Variants in THAP4 observed in about 807,000 individuals in gnomAD.
THAP4 encodes the protein THAP domain containing 4.
Under a neutral mutation model 48.1 loss-of-function variants are expected in THAP4, and 18 were observed. The ratio of observed to expected loss-of-function variants is 0.37; its 90% CI spans 0.26 to 0.56. THAP4 has a LOEUF of 0.56. Among genes scored for constraint, THAP4 ranks in the 20% least tolerant of loss-of-function variants. The pLI is 0.78. For missense variants in THAP4, 656 were observed against 774.9 expected, an observed-to-expected ratio of 0.85 and a Z score of 1.82; for synonymous variants, 345 against 324.9, an observed-to-expected ratio of 1.06 and a Z score of -0.66.
In THAP4 at chr2:241,610,896, A is replaced by T. The variant is rs1180124233; in HGVS notation, c.1241-4423T>A. Reference sequence around the variant, plus strand: ...GGGCCAGAGACGGGGCCAGAGACAGAGACACAGAAAGGGATCTTACTCTTT... The same window carrying T: ...GGGCCAGAGACGGGGCCAGAGACAGTGACACAGAAAGGGATCTTACTCTTT... On this transcript the variant is annotated intron_variant, in intron 2 of 5. Transcript: ENST00000407315. The surrounding 1 kb of genome is among the most constrained non-coding windows in gnomAD (Gnocchi z 4.2). Among the ~76,000 whole-genome samples, 1 of 152,068 alleles carries T rather than the reference A, an allele frequency of 6.6e-6. No homozygotes were observed. Among genetic ancestry groups the T allele is most frequent in the Non-Finnish European group, 1.5e-5 (1 of 68,012 alleles).
In THAP4 at chr2:241,599,672, G is replaced by T. The variant is rs187407688; in HGVS notation, c.1614+2224C>A. ...GTAATACACTGTCACGCTGCATATT[G>T]CTACCCATGAAAATATGTCAATTCT... On this transcript the variant is annotated intron_variant, in intron 5 of 5. Coordinates refer to ENST00000407315, the MANE Select transcript of THAP4 (RefSeq NM_015963.6). Among the ~76,000 whole-genome samples, 53 of 152,192 alleles carry T rather than the reference G, an allele frequency of 3.5e-4. 1 individual carries two copies. Among genetic ancestry groups the T allele is most frequent in the African/African-American group, 1.2e-3 (51 of 41,536 alleles).
chr2:241,587,631 T>G (rs1379265529), intron 5 of THAP4, among the ~76,000 whole-genome samples: 2 of 152,228 alleles, frequency 1.3e-5, no homozygotes, highest in African/African-American at 4.8e-5. Flanking sequence ...TTAGAGGGTA[T>G]GTTGTCTGGG....
At chr2:241,586,647 G>T (rs535449697) in intron 5 of THAP4, among the ~76,000 whole-genome samples, 176 of 152,180 alleles carry the variant, frequency 1.2e-3, no homozygotes, top group African/African-American at 4.1e-3. Flanking sequence ...ATTTCTGCAG[G>T]TAATCAGAAT....
chr2:241,622,650 A>G (rs1487948086), intron 2 of THAP4, among the ~76,000 whole-genome samples: 2 of 151,994 alleles, frequency 1.3e-5, no homozygotes, highest in Non-Finnish European at 2.9e-5. Context: ...CCCAGGCTGG[A>G]GTGCAGTGGC....
chr2:241,603,637 C>T (rs2067145611), intron 3 of THAP4, among the ~76,000 whole-genome samples: 1 of 152,276 alleles, frequency 6.6e-6, no homozygotes. Context: ...AGGCCTCACA[C>T]AGTGTCAGCC....
At chr2:241,594,233 G>A (rs1020261073) in intron 5 of THAP4, among the ~76,000 whole-genome samples, 2 of 152,150 alleles carry the variant, frequency 1.3e-5, no homozygotes, top group Non-Finnish European at 1.5e-5. Context: ...CCAGGGGTTG[G>A]GGGAGATGGA....
intron 2 of THAP4, among the ~76,000 whole-genome samples, chr2:241,620,895 T>C (rs547290690): frequency 6.6e-6 from 1 of 152,064 alleles, no homozygotes; most frequent in Admixed American, 6.5e-5. Context: ...AACATCATCA[T>C]GTAGCACACG....
Position 241,585,266 on chromosome 2 carries a change from G to A in THAP4, c.1615-541C>T, listed in dbSNP as rs563956220. On this transcript the variant is annotated intron_variant, in intron 5 of 5. Coordinates refer to ENST00000407315, the MANE Select transcript of THAP4 (RefSeq NM_015963.6). ...GTTTCCAACAAGAATCCAAGCCTAT[G>A]GCAGCTAAGTCCCGAATGAGTCAGC... Among the ~76,000 whole-genome samples the A allele has an allele frequency of 6.6e-5, 10 of 152,274 alleles. No individual in the cohort carries two copies. The East Asian group carries it at 1.9e-3, about 29-fold the overall frequency.
rs1443367211 is a variant in THAP4 at position 241,612,536 on chromosome 2, A to G, written c.1241-6063T>C. ...GTGGAAACAACACAGATGTCCGTCA[A>G]CCAATGAGTAAACAAACTGCAGTAT... On this transcript the variant is annotated intron_variant, in intron 2 of 5. Transcript: ENST00000407315. The surrounding 1 kb of genome is among the most constrained non-coding windows in gnomAD (Gnocchi z 4.1). Among the ~76,000 whole-genome samples, 1 of 152,268 alleles carries G rather than the reference A, an allele frequency of 6.6e-6. No homozygotes were observed. Among genetic ancestry groups the G allele is most frequent in the East Asian group, 1.9e-4 (1 of 5,204 alleles).
chr2:241,597,152 T>C, intron 5 of THAP4, among the ~76,000 whole-genome samples: 1 of 152,094 alleles, frequency 6.6e-6, no homozygotes, highest in Non-Finnish European at 1.5e-5. Context: ...TTCCCCAAGA[T>C]GGAATTTCGC....
chr2:241,584,749 A>G, intron 5 of THAP4, 24 bp from the exon 6 acceptor site: 1 of 1,614,134 alleles, frequency 6.2e-7, no homozygotes, highest in Non-Finnish European at 8.5e-7. Flanking sequence ...TGGAACAAAG[A>G]TAGCTTAGTT....
At chr2:241,632,849 T>C (rs1386097518) in intron 2 of THAP4, 68 bp downstream of exon 2, 3 of 1,306,386 alleles carry the variant, frequency 2.3e-6, no homozygotes, top group Non-Finnish European at 3.1e-6. Context: ...CAGGGGACGC[T>C]GGCCACCTTG....
intron 5 of THAP4, among the ~76,000 whole-genome samples, chr2:241,586,782 C>G (rs1464109269): frequency 6.6e-6 from 1 of 152,052 alleles, no homozygotes; most frequent in Non-Finnish European, 1.5e-5. Flanking sequence ...GGAAAATGAT[C>G]AGTAGGAAAT....
intron 1 of THAP4, among the ~76,000 whole-genome samples, chr2:241,636,447 C>T (rs551085107): frequency 1.2e-4 from 18 of 152,328 alleles, no homozygotes; most frequent in South Asian, 8.3e-4. Flanking sequence ...CAGGAGGATG[C>T]CGTCCCCAGC....
At chr2:241,622,990 G>T (rs2067451824) in intron 2 of THAP4, among the ~76,000 whole-genome samples, 1 of 152,014 alleles carries the variant, frequency 6.6e-6, no homozygotes, top group East Asian at 1.9e-4. Flanking sequence ...GGCCGAGGCG[G>T]GCGGATCACA....
intron 2 of THAP4, among the ~76,000 whole-genome samples, chr2:241,621,377 AC>A (rs2067427573): frequency 1.3e-5 from 2 of 152,176 alleles, no homozygotes; most frequent in South Asian, 4.1e-4. Flanking sequence ...TAAAATCAGT[AC>A]AATTAATATG....
intron 2 of THAP4, among the ~76,000 whole-genome samples, chr2:241,617,982 C>T (rs1477017221): frequency 2.0e-5 from 3 of 152,200 alleles, no homozygotes; most frequent in Non-Finnish European, 2.9e-5. Flanking sequence ...TCCTGGAGCT[C>T]CCACCCTCAC....
At chr2:241,589,667 G>C (rs958604866) in intron 5 of THAP4, among the ~76,000 whole-genome samples, 3 of 150,436 alleles carry the variant, frequency 2.0e-5, no homozygotes, top group Admixed American at 1.3e-4. Context: ...GAACCCAGCA[G>C]TTCCAATCCC....
chr2:241,627,567 T>A (rs1169527837), intron 2 of THAP4, among the ~76,000 whole-genome samples: 1 of 152,164 alleles, frequency 6.6e-6, no homozygotes, highest in Non-Finnish European at 1.5e-5. Flanking sequence ...CCCGCATCCT[T>A]CAGTTTGGGG....
Sources: gnomAD v4.1 joint callset for allele counts (sites outside exome capture counted in the v4.1 genomes callset) on GRCh38, gnomAD v4.1.1 for gene constraint, Gnocchi (gnomAD v3.1) non-coding constraint, MANE v1.5 for transcripts, NCBI Gene and HGNC (gene_info 2026-07-23, HGNC 2026-07-21) for gene names.